Variants in KIAA1549 observed in about 807,000 individuals in gnomAD.
KIAA1549 encodes the protein KIAA1549.
KIAA1549 carries 70 observed loss-of-function variants against 156.4 expected under a neutral mutation model. The ratio of observed to expected loss-of-function variants is 0.45; its 90% CI spans 0.37 to 0.55. KIAA1549 has a LOEUF of 0.55. Ranked by LOEUF, KIAA1549 falls within the 20% of genes least tolerant of loss-of-function variation. KIAA1549 has a pLI of 0.00. For missense variants in KIAA1549, 2,428 were observed against 2,540.9 expected (o/e 0.96, Z 0.96); for synonymous variants, 1,103 against 1,066.4 (o/e 1.03, Z -0.67).
At chr7:138,852,699 G>A (rs951113515) in intron 16 of KIAA1549, among the ~76,000 whole-genome samples, 1 of 152,212 alleles carries the variant, frequency 6.6e-6, no homozygotes, top group African/African-American at 2.4e-5. Flanking sequence ...AGGTCAGCGA[G>A]ACCCAGTGGC....
At chr7:138,895,808 C>T (rs571089526) in intron 9 of KIAA1549, among the ~76,000 whole-genome samples, 18 of 152,170 alleles carry the variant, frequency 1.2e-4, no homozygotes, top group African/African-American at 4.3e-4. Flanking sequence ...TCCTAATAAG[C>T]GTCCCATAGG....
At chr7:138,936,773 G>T (rs1813023626) in intron 1 of KIAA1549, among the ~76,000 whole-genome samples, 2 of 141,886 alleles carry the variant, frequency 1.4e-5, no homozygotes, top group Admixed American at 7.5e-5. Flanking sequence ...TGGTACTGTG[G>T]GCCAAGGGAA....
At chr7:138,938,777 G>A (rs1197235704) in intron 1 of KIAA1549, among the ~76,000 whole-genome samples, 3 of 152,252 alleles carry the variant, frequency 2.0e-5, no homozygotes, top group African/African-American at 7.2e-5. Context: ...GCCAGGCACA[G>A]TGGCTCACGC....
At chr7:138,940,165 T>C (rs9718758) in intron 1 of KIAA1549, among the ~76,000 whole-genome samples, 1 of 150,690 alleles carries the variant, frequency 6.6e-6, no homozygotes. Flanking sequence ...CCCTCCCCGC[T>C]CCCCCCACCC....
At chr7:138,881,152 T>A (rs1811229368) in intron 11 of KIAA1549, among the ~76,000 whole-genome samples, 1 of 152,182 alleles carries the variant, frequency 6.6e-6, no homozygotes, top group Non-Finnish European at 1.5e-5. Flanking sequence ...TCACAGATAG[T>A]GATTCATGAT....
intron 1 of KIAA1549, among the ~76,000 whole-genome samples, chr7:138,975,529 T>A (rs1281106314): frequency 6.6e-6 from 1 of 152,122 alleles, no homozygotes; most frequent in African/African-American, 2.4e-5. Context: ...AGAGGGTTAA[T>A]GAGATTAGCG....
intron 1 of KIAA1549, among the ~76,000 whole-genome samples, chr7:138,927,131 C>T (rs1326670922): frequency 6.6e-6 from 1 of 152,148 alleles, no homozygotes; most frequent in African/African-American, 2.4e-5. Flanking sequence ...AATCTATGTC[C>T]TTTTTTGTAC....
intron 1 of KIAA1549, among the ~76,000 whole-genome samples, chr7:138,969,106 A>G (rs1231538022): frequency 6.6e-6 from 1 of 152,074 alleles, no homozygotes; most frequent in Non-Finnish European, 1.5e-5. Context: ...AGGAGGCTCC[A>G]GTGTCTGTTG....
At chr7:138,839,231 C>T (rs1809836876) in intron 19 of KIAA1549, among the ~76,000 whole-genome samples, 1 of 151,994 alleles carries the variant, frequency 6.6e-6, no homozygotes, top group East Asian at 1.9e-4. Context: ...TGGGAAGGCA[C>T]AGAAATGCAA....
chr7:138,914,007 GAAGGAAGGAAGGAAGA>G (rs1812243758), intron 2 of KIAA1549, among the ~76,000 whole-genome samples: 2 of 137,430 alleles, frequency 1.5e-5, no homozygotes, highest in African/African-American at 5.3e-5. Context: ...GAGAAGGAAA[GAAGGAAGGAAGGAAGA>G]AAGGAAGGGA....
At chr7:138,974,051 C>T (rs564624886) in intron 1 of KIAA1549, among the ~76,000 whole-genome samples, 1 of 152,288 alleles carries the variant, frequency 6.6e-6, no homozygotes, top group Non-Finnish European at 1.5e-5. Flanking sequence ...CACTGACAGT[C>T]GGAAAGGGAG....
At position 138,959,985 on chromosome 7, in the gene KIAA1549, G is replaced by A. The variant is rs78991639; in HGVS notation, c.187+21098C>T. 1.4e-3 allele frequency among the ~76,000 whole-genome samples: 218 copies of A among 152,320 alleles called. 1 individual carries two copies. Among genetic ancestry groups the A allele is most frequent in the African/African-American group, 4.1e-3 (170 of 41,578 alleles). On this transcript the variant is annotated intron_variant, in intron 1 of 19. Coordinates refer to ENST00000422774, the MANE Select transcript of KIAA1549 (RefSeq NM_001164665.2). ...ACACAAACAAGCTCTGAAATGTGTC[G>A]AAAAATTACTCCAAGATAGGGTGAA...
intron 10 of KIAA1549, among the ~76,000 whole-genome samples, chr7:138,893,319 T>C (rs1028694311): frequency 6.6e-6 from 1 of 151,528 alleles, no homozygotes; most frequent in Non-Finnish European, 1.5e-5. Flanking sequence ...TGGGGGGAGG[T>C]ATTAAAAAAA....
chr7:138,923,426 C>T (rs1812617572), intron 1 of KIAA1549, among the ~76,000 whole-genome samples: 1 of 152,072 alleles, frequency 6.6e-6, no homozygotes, highest in Admixed American at 6.6e-5. Context: ...CACGGTGAAA[C>T]CCTGTCTCTA....
Position 138,837,989 on chromosome 7 carries a change from AG to A in KIAA1549, c.5769del (p.Ser1924ArgfsTer51). On this transcript the variant is annotated frameshift_variant, in exon 20 of 20. Coordinates refer to ENST00000422774, the MANE Select transcript of KIAA1549 (RefSeq NM_001164665.2). LOFTEE classifies it high-confidence loss of function. ...CGGATTGCTTTGATGAGAGAGGCCG[AG>A]GAGTGGCCAGGCTGGAGGTCTTCCG... is the stretch of plus-strand genomic sequence containing the variant. ...SSTEDLQPGHSSASLIKAIRE... is the reference protein window; with the variant it reads ...SSTEDLQPGHXSASLIKAIRE... 1 of 1,613,242 alleles carries A rather than the reference AG, an allele frequency of 6.2e-7. No individual in the cohort carries two copies. The highest frequency in any genetic ancestry group is 8.5e-7 in the Non-Finnish European group (1 of 1,179,676).
chr7:138,970,611 C>T lies in KIAA1549; in HGVS notation c.187+10472G>A, dbSNP rs145750917. ...TCACCTGGAGGTGCTTTCAAAAAGT[C>T]GATGCAGTAGGCCCGGGGTGGGGTC... is the stretch of plus-strand genomic sequence containing the variant. On this transcript the variant is annotated intron_variant, in intron 1 of 19. Transcript: ENST00000422774. Among the ~76,000 whole-genome samples, 1,292 of 152,274 alleles carry T rather than the reference C, an allele frequency of 8.5e-3. 5 individuals are homozygous for T. Among genetic ancestry groups the T allele is most frequent in the Admixed American group, 0.018 (272 of 15,300 alleles).
At chr7:138,879,011 G>C (rs972183494) in intron 12 of KIAA1549, among the ~76,000 whole-genome samples, 1 of 150,526 alleles carries the variant, frequency 6.6e-6, no homozygotes, top group African/African-American at 2.5e-5. Context: ...CTTTAGAACA[G>C]GAGTGAAGTT....
intron 1 of KIAA1549, among the ~76,000 whole-genome samples, chr7:138,927,800 A>G (rs79071594): frequency 0.037 from 5,655 of 152,180 alleles, 139 homozygotes; most frequent in African/African-American, 0.051. Context: ...AGATGTCCAC[A>G]TGTTTACCAA....
At chr7:138,925,962 T>G (rs963316019) in intron 1 of KIAA1549, among the ~76,000 whole-genome samples, 2 of 149,670 alleles carry the variant, frequency 1.3e-5, no homozygotes, top group Non-Finnish European at 3.0e-5. Context: ...AGCCCCGCAG[T>G]CCACCTGGGG....
Sources: gnomAD v4.1 joint callset for allele counts (sites outside exome capture counted in the v4.1 genomes callset) on GRCh38, gnomAD v4.1.1 for gene constraint, MANE v1.5 for transcripts, NCBI Gene and HGNC (gene_info 2026-07-23, HGNC 2026-07-21) for gene names.